Variants in RBPMS observed in about 807,000 individuals in gnomAD.
RBPMS encodes RNA-binding protein with multiple splicing.
RBPMS carries 7 observed loss-of-function variants against 26.8 expected under a neutral mutation model. The observed-to-expected ratio is 0.26, with a 90% CI of 0.15 to 0.49. RBPMS has a LOEUF of 0.49. Ranked by LOEUF, RBPMS falls within the 20% of genes least tolerant of loss-of-function variation. RBPMS has a pLI of 0.98. For synonymous variants in RBPMS, 96 were observed against 93.3 expected (o/e 1.03, Z -0.17); for missense variants, 186 against 250.0 (o/e 0.74, Z 1.73).
intron 1 of RBPMS, among the ~76,000 whole-genome samples, chr8:30,413,534 G>T (rs1297298904): frequency 6.6e-6 from 1 of 152,210 alleles, no homozygotes; most frequent in Non-Finnish European, 1.5e-5. Context: ...GCTATCACAG[G>T]TGAATCCTGT....
At chr8:30,457,563 T>G (rs984528458) in intron 1 of RBPMS, among the ~76,000 whole-genome samples, 1 of 151,852 alleles carries the variant, frequency 6.6e-6, no homozygotes, top group African/African-American at 2.4e-5. Context: ...AATCCTAAGT[T>G]TTAGAATTTG....
At chr8:30,441,442 G>C (rs1813064905) in intron 1 of RBPMS, among the ~76,000 whole-genome samples, 1 of 152,166 alleles carries the variant, frequency 6.6e-6, no homozygotes, top group African/African-American at 2.4e-5. Context: ...AAAAAGTAAA[G>C]TTCAGTAGAA....
chr8:30,471,345 A>T (rs377729702), intron 1 of RBPMS, among the ~76,000 whole-genome samples: 8 of 152,322 alleles, frequency 5.3e-5, no homozygotes, highest in African/African-American at 1.7e-4. Context: ...CATAATCCCC[A>T]GATTTCAAGT....
chr8:30,490,467 C>CTT (rs150058230), intron 4 of RBPMS, among the ~76,000 whole-genome samples: 30 of 149,548 alleles, frequency 2.0e-4, no homozygotes, highest in Middle Eastern at 3.5e-3. Context: ...TTATTGTTGT[C>CTT]TTTTTTTTTT....
At chr8:30,534,262 C>T (rs1358619408) in intron 5 of RBPMS, among the ~76,000 whole-genome samples, 2 of 152,168 alleles carry the variant, frequency 1.3e-5, no homozygotes. Context: ...TACCTATAAG[C>T]TGTATGACCT....
chr8:30,447,578 A>C (rs1272346113), intron 1 of RBPMS, among the ~76,000 whole-genome samples: 1 of 152,216 alleles, frequency 6.6e-6, no homozygotes, highest in African/African-American at 2.4e-5. Context: ...CATGTAGAAA[A>C]AGATCTCCTA....
chr8:30,385,672 C>T (rs986493292), intron 1 of RBPMS, among the ~76,000 whole-genome samples: 17 of 152,074 alleles, frequency 1.1e-4, no homozygotes, highest in South Asian at 2.1e-4. Flanking sequence ...ATAGATAACT[C>T]ATCAGCCACA....
At chr8:30,475,953 G>A (rs939551273) in intron 2 of RBPMS, among the ~76,000 whole-genome samples, 3 of 152,276 alleles carry the variant, frequency 2.0e-5, no homozygotes, top group South Asian at 4.1e-4. Flanking sequence ...TGGAGAGAGT[G>A]CCACCTTTTA....
chr8:30,423,781 G>T (rs568643739), intron 1 of RBPMS, among the ~76,000 whole-genome samples: 60 of 151,694 alleles, frequency 4.0e-4, no homozygotes, highest in African/African-American at 1.3e-3. Flanking sequence ...TGGTGCGGGG[G>T]TTTAAACTAG....
At chr8:30,526,436 G>A (rs369740904) in intron 5 of RBPMS, among the ~76,000 whole-genome samples, 3 of 152,060 alleles carry the variant, frequency 2.0e-5, no homozygotes, top group African/African-American at 7.3e-5. Flanking sequence ...TTCAGGCTGC[G>A]GCATTGATAC....
chr8:30,465,425 T>A (rs1816386166), intron 1 of RBPMS, among the ~76,000 whole-genome samples: 1 of 152,220 alleles, frequency 6.6e-6, no homozygotes, highest in South Asian at 2.1e-4. Flanking sequence ...GAATTCTCAC[T>A]TTTTCTCTTT....
chr8:30,536,346 C>T (rs1014686083), intron 5 of RBPMS, among the ~76,000 whole-genome samples: 1 of 152,108 alleles, frequency 6.6e-6, no homozygotes, highest in Non-Finnish European at 1.5e-5. Flanking sequence ...AGGCTGGTCT[C>T]GAACTCCCGA....
chr8:30,431,435 C>T (rs902654350), intron 1 of RBPMS, among the ~76,000 whole-genome samples: 10 of 147,782 alleles, frequency 6.8e-5, no homozygotes, highest in African/African-American at 2.3e-4. Context: ...CTTCTCTTCT[C>T]TCCTCTCTTC....
chr8:30,568,210 A>G lies in RBPMS; in HGVS notation c.*111+1850A>G, dbSNP rs1287678535. 2.0e-5 allele frequency among the ~76,000 whole-genome samples: 3 copies of G among 152,212 alleles called. No individual in the cohort carries two copies. In the East Asian group the frequency reaches 5.8e-4, roughly 29 times the overall value. ...AGGAACCTTTGCCACATGATGGCCC[A>G]TGTTTATTTGGAGTTGGGGGGAGAA... is the stretch of plus-strand genomic sequence containing the variant. On this transcript the variant is annotated intron_variant, in intron 8 of 8. Transcript: ENST00000397323.
In RBPMS at chr8:30,431,722, G is replaced by A. The variant is rs541217269; in HGVS notation, c.67-43057G>A. 6.6e-5 allele frequency among the ~76,000 whole-genome samples: 10 copies of A among 152,188 alleles called. 2 individuals are homozygous for A. The highest frequency in any genetic ancestry group is 2.4e-4 in the African/African-American group (10 of 41,520). On this transcript the variant is annotated intron_variant, in intron 1 of 8. Transcript: ENST00000397323. The stretch of plus-strand genomic sequence containing the variant: ...CTGCCTCGTCCTCCCAAAGTGTTGG[G>A]ATTACAGGTGTGAGCCACCGCGCCC...
At chr8:30,389,756 G>A (rs946882848) in intron 1 of RBPMS, among the ~76,000 whole-genome samples, 5 of 151,942 alleles carry the variant, frequency 3.3e-5, no homozygotes, top group Non-Finnish European at 7.4e-5. Flanking sequence ...ACCACTAAAG[G>A]CTCCGTTTTT....
Position 30,451,596 on chromosome 8 carries a change from T to G in RBPMS, c.67-23183T>G, listed in dbSNP as rs148376821. Among the ~76,000 whole-genome samples the G allele has an allele frequency of 1.2e-3, 181 of 152,258 alleles. 1 individual carries two copies. Among genetic ancestry groups the G allele is most frequent in the African/African-American group, 4.2e-3 (174 of 41,542 alleles). ...CACGTTATTTCAGGCTCTCTAGAAG[T>G]GTGAATGAGGCTAGTGTCTTTCTCA... is the stretch of plus-strand genomic sequence containing the variant. On this transcript the variant is annotated intron_variant, in intron 1 of 8. Transcript: ENST00000397323.
intron 1 of RBPMS, among the ~76,000 whole-genome samples, chr8:30,460,854 C>A (rs970714981): frequency 6.6e-6 from 1 of 151,858 alleles, no homozygotes; most frequent in Non-Finnish European, 1.5e-5. Flanking sequence ...CTCAGGAGTT[C>A]GATAAATGTT....
At chr8:30,441,138 G>T (rs1813029408) in intron 1 of RBPMS, among the ~76,000 whole-genome samples, 1 of 152,102 alleles carries the variant, frequency 6.6e-6, no homozygotes, top group South Asian at 2.1e-4. Context: ...TTTGATAGTA[G>T]CCGTAACTGT....
Sources: allele counts gnomAD v4.1 joint callset (sites outside exome capture counted in the v4.1 genomes callset), GRCh38; gene constraint gnomAD v4.1.1; transcripts MANE v1.5; gene names NCBI Gene and HGNC (gene_info 2026-07-23, HGNC 2026-07-21).